Variants in KCNA2 observed in about 807,000 individuals in gnomAD.
The protein encoded by KCNA2 is potassium voltage-gated channel subfamily A member 2.
KCNA2 carries 11 observed loss-of-function variants against 33.4 expected under a neutral mutation model. That is an observed-to-expected ratio of 0.33 (90% CI 0.21 to 0.55). The LOEUF (loss-of-function observed/expected upper bound fraction) is 0.55, where lower values mean the gene tolerates loss of function less well. Ranked by LOEUF, KCNA2 falls within the 20% of genes least tolerant of loss-of-function variation. The pLI is 0.93. For missense variants in KCNA2, 291 were observed against 621.6 expected (o/e 0.47, Z 5.66); for synonymous variants, 222 against 231.3 (o/e 0.96, Z 0.37).
At chr1:110,610,389 C>T (rs1487964921), upstream of KCNA2, among the ~76,000 whole-genome samples, 1 of 152,196 alleles carries the variant, frequency 6.6e-6, no homozygotes, top group Non-Finnish European at 1.5e-5. Flanking sequence ...CTGCTTGATG[C>T]TCCCCACCAG....
chr1:110,607,551 GC>G, upstream of KCNA2: 1 of 152,100 alleles, frequency 6.6e-6, no homozygotes, highest in Non-Finnish European at 1.5e-5. Flanking sequence ...CCGGGCCTCA[GC>G]CCCCGCCCCG....
Position 110,602,976 on chromosome 1 carries a change from G to A in KCNA2, c.*307C>T, listed in dbSNP as rs903163249. 2 of 1,138,190 alleles carry A rather than the reference G, an allele frequency of 1.8e-6. No individual in the cohort carries two copies. Among genetic ancestry groups the A allele is most frequent in the Non-Finnish European group, 2.2e-6 (2 of 928,356 alleles). 70.5% of individuals were successfully genotyped at this position (1,138,190 alleles called of 1,614,324 possible). A position where few individuals can be genotyped will look rare whatever the true frequency, so the allele number is the denominator to read the frequency against. ...TGTGTGCATTTCATTAGGAAGGAAT[G>A]ATGGCACTGATATGGTGCACTGTGT... On this transcript the variant is annotated 3_prime_UTR_variant, in exon 3 of 3. Coordinates refer to ENST00000316361, the MANE Select transcript of KCNA2 (RefSeq NM_004974.4).
chr1:110,614,413 C>T (rs1570761874), intron 1 of KCNA2, among the ~76,000 whole-genome samples: 1 of 152,204 alleles, frequency 6.6e-6, no homozygotes, highest in Admixed American at 6.5e-5. Context: ...CTAGTGTCTG[C>T]GTTATGTGGC....
rs768627161 is a variant in KCNA2, at chr1:110,603,548, T to C, written c.1235A>G (p.Asn412Ser). 1 of 1,613,768 alleles carries C rather than the reference T, an allele frequency of 6.2e-7. No homozygotes were observed. Among genetic ancestry groups the C allele is most frequent in the Non-Finnish European group, 8.5e-7 (1 of 1,179,990 alleles). The change falls in exon 3 of 3, where the codon AAT becomes AGT. Residue 412 changes from asparagine to serine, a missense_variant. By Grantham distance (46) the Asn-to-Ser change is conservative (BLOSUM62 1). Around this residue, in one of 5 missense-constraint regions of KCNA2, gnomAD observed 9 missense variants for 77.4 expected, o/e 0.12. Coordinates refer to ENST00000316361, the MANE Select transcript of KCNA2 (RefSeq NM_004974.4). This position sits in a 1 kb window ranked among gnomAD's most constrained non-coding sequence, Gnocchi z 5.7. ...CTCCCGGTGGTAGAAGTAGTTGAAA[T>C]TGGACACAATGACAGGGACCGGTAA... ...IALPVPVIVS[N>S]FNYFYHRETE...
Position 110,595,495 on chromosome 1 carries a change from T to C in KCNA2, c.*7788A>G. 1 of 985,424 alleles carries C rather than the reference T, an allele frequency of 1.0e-6. No homozygotes were observed. 61.0% of individuals were successfully genotyped at this position (985,424 alleles called of 1,614,324 possible). On this transcript the variant is annotated 3_prime_UTR_variant, in exon 3 of 3. Transcript: ENST00000316361. ...GAGATGGCAGACACCCCTGCACCACTTCAATTGCTCCAGATACAGTGAAAA... is the reference window on the plus strand; with the variant it reads ...GAGATGGCAGACACCCCTGCACCACCTCAATTGCTCCAGATACAGTGAAAA...
At chr1:110,622,481 C>G (rs964045367) in intron 1 of KCNA2, among the ~76,000 whole-genome samples, 5 of 151,942 alleles carry the variant, frequency 3.3e-5, no homozygotes, top group African/African-American at 1.2e-4. Flanking sequence ...TCTATTGGAG[C>G]TTGTACCCAG....
In KCNA2 at chr1:110,602,104, A is replaced by G; in HGVS notation, c.*1179T>C. On this transcript the variant is annotated 3_prime_UTR_variant, in exon 3 of 3. Transcript: ENST00000316361. ...GCGACTAGGTTAATTCCTAAGGTGC[A>G]GTCATGTGAGGTGTTCAGATGCTGC... is the stretch of plus-strand genomic sequence containing the variant. The G allele has an allele frequency of 6.4e-7, 1 of 1,550,592 alleles. No individual in the cohort carries two copies. Among genetic ancestry groups the G allele is most frequent in the Non-Finnish European group, 8.7e-7 (1 of 1,146,994 alleles).
intron 1 of KCNA2, among the ~76,000 whole-genome samples, chr1:110,630,905 G>A (rs187600716): frequency 1.1e-3 from 163 of 152,184 alleles, no homozygotes; most frequent in African/African-American, 3.8e-3. Context: ...AGCCAGCCCC[G>A]GAACCACTAA....
At chr1:110,620,879 A>G (rs1387265823) in intron 1 of KCNA2, among the ~76,000 whole-genome samples, 6 of 152,204 alleles carry the variant, frequency 3.9e-5, no homozygotes, top group African/African-American at 1.4e-4. Flanking sequence ...CACCGTTAAC[A>G]ACCTGAACAT....
chr1:110,614,218 T>C (rs1232304426), intron 1 of KCNA2, among the ~76,000 whole-genome samples: 1 of 152,220 alleles, frequency 6.6e-6, no homozygotes, highest in Non-Finnish European at 1.5e-5. Context: ...CTCTTCCTTA[T>C]ATGCTGTGGC....
At position 110,602,276 on chromosome 1, in the gene KCNA2, G is replaced by T. The variant is rs1046258668; in HGVS notation, c.*1007C>A. The T allele has an allele frequency of 4.0e-6, 6 of 1,501,310 alleles. No individual in the cohort carries two copies. The highest frequency in any genetic ancestry group is 5.3e-6 in the Non-Finnish European group (6 of 1,127,762). 93.0% of individuals were successfully genotyped at this position (1,501,310 alleles called of 1,614,324 possible). On this transcript the variant is annotated 3_prime_UTR_variant, in exon 3 of 3. Coordinates refer to ENST00000316361, the MANE Select transcript of KCNA2 (RefSeq NM_004974.4). ...GATGGAGGGATTTTTGCCTTCTGAT[G>T]GGAAAAAAACCCCTAGTTCAAGACC...
rs1378168169 is a variant in KCNA2, at chr1:110,595,007, A to G, written c.*8276T>C. 3 of 985,252 alleles carry G rather than the reference A, an allele frequency of 3.0e-6. No individual in the cohort carries two copies. The highest frequency in any genetic ancestry group is 3.6e-6 in the Non-Finnish European group (3 of 829,930). The allele number at this position is 985,252 out of a possible 1,614,324, so 61.0% of individuals were successfully genotyped here. ...AGCAGCCCAGAGCATTTATTCACTC[A>G]TACAAACAAGGCATTCGGTGTCTAG... On this transcript the variant is annotated 3_prime_UTR_variant, in exon 3 of 3. Transcript: ENST00000316361.
chr1:110,594,865 C>A lies in KCNA2; in HGVS notation c.*8418G>T. 3 of 985,422 alleles carry A rather than the reference C, an allele frequency of 3.0e-6. No individual in the cohort carries two copies. Among genetic ancestry groups the A allele is most frequent in the Non-Finnish European group, 3.6e-6 (3 of 829,954 alleles). 61.0% of individuals were successfully genotyped at this position (985,422 alleles called of 1,614,324 possible). On this transcript the variant is annotated 3_prime_UTR_variant, in exon 3 of 3. Coordinates refer to ENST00000316361, the MANE Select transcript of KCNA2 (RefSeq NM_004974.4). ...CCCACCTGGCAGGTCAAAGTCCTTG[C>A]CCTACACTTCATAGGCTAAAAAGGC...
chr1:110,629,043 G>A (rs1040531532), intron 1 of KCNA2, among the ~76,000 whole-genome samples: 3 of 152,112 alleles, frequency 2.0e-5, no homozygotes, highest in Admixed American at 2.0e-4. Context: ...TATCATTCAT[G>A]TCCCAGGCTA....
intron 1 of KCNA2, among the ~76,000 whole-genome samples, chr1:110,626,658 C>T (rs1417485602): frequency 1.3e-5 from 2 of 152,154 alleles, no homozygotes; most frequent in African/African-American, 2.4e-5. Flanking sequence ...TATACACAAC[C>T]ATGTTGAAGT....
At chr1:110,620,051 A>ATC in intron 1 of KCNA2, among the ~76,000 whole-genome samples, 1 of 99,204 alleles carries the variant, frequency 1.0e-5, no homozygotes, top group South Asian at 3.7e-4. Flanking sequence ...AGAGAGCGAG[A>ATC]GCGAGAGAGA....
chr1:110,617,476 A>G (rs1264370423), intron 1 of KCNA2, among the ~76,000 whole-genome samples: 3 of 152,186 alleles, frequency 2.0e-5, no homozygotes, highest in African/African-American at 7.2e-5. Context: ...AGTGGGAGAG[A>G]CAGGATCCAA....
chr1:110,594,560 G>C lies in KCNA2; in HGVS notation c.*8723C>G. ...GGGGTGCAGGGATGCAGAAAACCAG[G>C]AAGAGGCCAATTTGGCTGGGGTATT... is the stretch of plus-strand genomic sequence containing the variant. On this transcript the variant is annotated 3_prime_UTR_variant, in exon 3 of 3. Transcript: ENST00000316361. The C allele has an allele frequency of 2.2e-5, 22 of 985,358 alleles. No homozygotes were observed. The highest frequency in any genetic ancestry group is 2.7e-5 in the Non-Finnish European group (22 of 829,920). 61.0% of individuals were successfully genotyped at this position (985,358 alleles called of 1,614,324 possible).
intron 1 of KCNA2, among the ~76,000 whole-genome samples, chr1:110,631,004 A>G (rs192587906): frequency 6.6e-6 from 1 of 152,292 alleles, no homozygotes; most frequent in East Asian, 1.9e-4. Flanking sequence ...TGTCTCAAGC[A>G]CAGGTCTGGC....
Sources: gnomAD v4.1 joint callset for allele counts (sites outside exome capture counted in the v4.1 genomes callset) on GRCh38, gnomAD v4.1.1 for gene constraint, gnomAD v4.1.1 regional missense constraint, Gnocchi (gnomAD v3.1) non-coding constraint, MANE v1.5 for transcripts, NCBI Gene and HGNC (gene_info 2026-07-23, HGNC 2026-07-21) for gene names.